RRAD: variants seen among roughly 807,000 people sequenced by gnomAD.
RRAD encodes the protein RRAD, Ras related glycolysis inhibitor and calcium channel regulator, also known as GTP-binding protein RAD.
Under a neutral mutation model 24.7 loss-of-function variants are expected in RRAD, and 15 were observed. The observed-to-expected ratio is 0.61, with a 90% CI of 0.41 to 0.93. The LOEUF (loss-of-function observed/expected upper bound fraction) is 0.93, where lower values mean the gene tolerates loss of function less well. Ranked by LOEUF, RRAD falls within the 40% of genes least tolerant of loss-of-function variation. The pLI, the probability that RRAD is intolerant of heterozygous loss-of-function variation, is 0.00. For synonymous variants in RRAD, 180 were observed against 189.8 expected (o/e 0.95, Z 0.43); for missense variants, 438 against 452.2 (o/e 0.97, Z 0.29).
At position 66,921,917 on chromosome 16, in the gene RRAD, GC is replaced by G; in HGVS notation, c.*158del. ...CCCCTGAGAGCCACTTCGCAGGGCAGCACTGTCTATCTGTCCATGACCATGA... is the reference window on the plus strand; with the variant it reads ...CCCCTGAGAGCCACTTCGCAGGGCAGACTGTCTATCTGTCCATGACCATGA... On this transcript the variant is annotated 3_prime_UTR_variant, in exon 5 of 5. Coordinates refer to ENST00000299759, the MANE Select transcript of RRAD (RefSeq NM_004165.3). 1.6e-6 allele frequency: 1 copy of G among 636,420 alleles called. No individual in the cohort carries two copies. The allele number at this position is 636,420 out of a possible 1,614,324, so 39.4% of individuals were successfully genotyped here.
At position 66,923,747 on chromosome 16, in the gene RRAD, C is replaced by G; in HGVS notation, c.445-27G>C. ...TGGAGAACACACAACACACATCTGC[C>G]CAACAGTCCTCATGCCCCCGACACG... On this transcript the variant is annotated intron_variant, in intron 3 of 4. Coordinates refer to ENST00000299759, the MANE Select transcript of RRAD (RefSeq NM_004165.3). The surrounding 1 kb of genome is among the most constrained non-coding windows in gnomAD (Gnocchi z 4.9). 1 of 1,613,646 alleles carries G rather than the reference C, an allele frequency of 6.2e-7. No individual in the cohort carries two copies. Among genetic ancestry groups the G allele is most frequent in the Non-Finnish European group, 8.5e-7 (1 of 1,179,660 alleles).
In RRAD at chr16:66,924,974, CT is replaced by C. The variant is rs1962974597; in HGVS notation, c.205del (p.Arg69GlyfsTer64). The C allele has an allele frequency of 6.8e-7, 1 of 1,470,012 alleles. No homozygotes were observed. Among genetic ancestry groups the C allele is most frequent in the Non-Finnish European group, 9.0e-7 (1 of 1,109,704 alleles). The allele number at this position is 1,470,012 out of a possible 1,614,324, so 91.1% of individuals were successfully genotyped here. ...CTCGGAGTCCTCGGGCCAGTCCAGC[CT>C]GGGACCCTGGGTCCCCGTCCCGGCC... ...AAAGTGTQGP[R>X]LDWPEDSEDS... On this transcript the variant is annotated frameshift_variant, in exon 2 of 5. Transcript: ENST00000299759. LOFTEE classifies it high-confidence loss of function. This position sits in a 1 kb window ranked among gnomAD's most constrained non-coding sequence, Gnocchi z 4.2.
rs1214556173 is a variant in RRAD, at chr16:66,922,297, A to G, written c.706T>C (p.Leu236=). ...AACAGCGCCTGGACATTGTGGTGCAATGCCGCTGATGTCTCAATGAACTTG... is the reference window on the plus strand; with the variant it reads ...AACAGCGCCTGGACATTGTGGTGCAGTGCCGCTGATGTCTCAATGAACTTG... The part of the protein sequence containing the change: ...DCKFIETSAA[L]HHNVQALFEG... Residue 236 remains leucine (L), a synonymous_variant, in exon 5 of 5, where the codon TTG becomes CTG. Transcript: ENST00000299759. 5.0e-6 allele frequency: 8 copies of G among 1,610,262 alleles called. No homozygotes were observed. Among genetic ancestry groups the G allele is most frequent in the Non-Finnish European group, 5.1e-6 (6 of 1,177,220 alleles).
Position 66,921,831 on chromosome 16 carries a change from G to A in RRAD, c.*245C>T. On this transcript the variant is annotated 3_prime_UTR_variant, in exon 5 of 5. Transcript: ENST00000299759. ...CGCAGGCCTGCCCGGCGGCTGCGCTGCGGCTGCTTGGGACGCATATGAGCC... is the reference window on the plus strand; with the variant it reads ...CGCAGGCCTGCCCGGCGGCTGCGCTACGGCTGCTTGGGACGCATATGAGCC... 2.2e-6 allele frequency: 1 copy of A among 447,644 alleles called. No individual in the cohort carries two copies. Among genetic ancestry groups the A allele is most frequent in the Non-Finnish European group, 3.9e-6 (1 of 253,278 alleles). 27.7% of individuals were successfully genotyped at this position (447,644 alleles called of 1,614,324 possible). A position where few individuals can be genotyped will look rare whatever the true frequency, so the allele number is the denominator to read the frequency against.
At position 66,923,816 on chromosome 16, in the gene RRAD, C is replaced by T. The variant is rs908469221; in HGVS notation, c.444+30G>A. 8.7e-6 allele frequency: 14 copies of T among 1,611,218 alleles called. No individual in the cohort carries two copies. The African/African-American group carries it at 1.5e-4, about 17-fold the overall frequency. ...CTCTAACCCAACTCACTCCTCCCTC[C>T]CCTGCCCTGGGTCTCTGCTTGCACC... On this transcript the variant is annotated intron_variant, in intron 3 of 4. Transcript: ENST00000299759. The surrounding 1 kb of genome is among the most constrained non-coding windows in gnomAD (Gnocchi z 4.9).
intron 4 of RRAD, 44 bp from the exon 5 acceptor site, chr16:66,922,397 G>A: frequency 1.3e-6 from 2 of 1,541,652 alleles, no homozygotes; most frequent in African/African-American, 1.4e-5. Context: ...CAAAGGGTGG[G>A]TGAATGAGGA....
chr16:66,923,411 C>T lies in RRAD; in HGVS notation c.649+105G>A. On this transcript the variant is annotated intron_variant, in intron 4 of 4. Coordinates refer to ENST00000299759, the MANE Select transcript of RRAD (RefSeq NM_004165.3). This position sits in a 1 kb window ranked among gnomAD's most constrained non-coding sequence, Gnocchi z 4.9. ...CCTCCCCGCCAGTTTTCTTTCTGAA[C>T]ATTTTTAGCCTCTGATGATCCCCAG... 2.1e-6 allele frequency: 2 copies of T among 947,962 alleles called. No homozygotes were observed. The highest frequency in any genetic ancestry group is 3.4e-4 in the Middle Eastern group (1 of 2,976). 58.7% of individuals were successfully genotyped at this position (947,962 alleles called of 1,614,324 possible). A position where few individuals can be genotyped will look rare whatever the true frequency, so the allele number is the denominator to read the frequency against.
rs1261344781 is a variant in RRAD, at chr16:66,921,901, G to A, written c.*175C>T. 1.0e-5 allele frequency: 6 copies of A among 601,520 alleles called. No individual in the cohort carries two copies. Among genetic ancestry groups the A allele is most frequent in the Non-Finnish European group, 1.4e-5 (5 of 346,174 alleles). The allele number at this position is 601,520 out of a possible 1,614,324, so 37.3% of individuals were successfully genotyped here. ...GCCCAGCCCTCACTGGCCCCTGAGAGCCACTTCGCAGGGCAGCACTGTCTA... is the reference window on the plus strand; with the variant it reads ...GCCCAGCCCTCACTGGCCCCTGAGAACCACTTCGCAGGGCAGCACTGTCTA... On this transcript the variant is annotated 3_prime_UTR_variant, in exon 5 of 5. Transcript: ENST00000299759.
Position 66,922,031 on chromosome 16 carries a change from C to G in RRAD, c.*45G>C. 6.4e-7 allele frequency: 1 copy of G among 1,558,622 alleles called. No homozygotes were observed. The highest frequency in any genetic ancestry group is 8.8e-7 in the Non-Finnish European group (1 of 1,141,190). ...CGGGGCAGTTGGCTGGGCCAGCCCA[C>G]CAACCCTTCCGTTCGTCTCCCACCA... On this transcript the variant is annotated 3_prime_UTR_variant, in exon 5 of 5. Transcript: ENST00000299759.
rs772841767 is a variant in RRAD at position 66,921,993 on chromosome 16, G to A, written c.*83C>T. On this transcript the variant is annotated 3_prime_UTR_variant, in exon 5 of 5. Coordinates refer to ENST00000299759, the MANE Select transcript of RRAD (RefSeq NM_004165.3). ...TCCGAGGGACCCAGAGTCTGAGCCT[G>A]CTCTGAGGCACCCGGGGCAGTTGGC... 2.3e-6 allele frequency: 3 copies of A among 1,323,904 alleles called. No individual in the cohort carries two copies. Among genetic ancestry groups the A allele is most frequent in the Admixed American group, 2.1e-5 (1 of 48,090 alleles). 82.0% of individuals were successfully genotyped at this position (1,323,904 alleles called of 1,614,324 possible).
At position 66,924,586 on chromosome 16, in the gene RRAD, A is replaced by C. The variant is rs372064444; in HGVS notation, c.370+224T>G. ...AGGCTGAGGCAGGAGAATCCCTTGA[A>C]ACCTGAAGGCGGAGGTTGCAGTGAG... On this transcript the variant is annotated intron_variant, in intron 2 of 4. Transcript: ENST00000299759. The surrounding 1 kb of genome is among the most constrained non-coding windows in gnomAD (Gnocchi z 4.2). 2.7e-4 allele frequency among the ~76,000 whole-genome samples: 41 copies of C among 152,222 alleles called. No homozygotes were observed. In the East Asian group the frequency reaches 7.9e-3, roughly 29 times the overall value.
In RRAD at chr16:66,922,156, C is replaced by A. The variant is rs150765557; in HGVS notation, c.847G>T (p.Gly283Cys). 4.3e-6 allele frequency: 7 copies of A among 1,614,146 alleles called. No homozygotes were observed. The highest frequency in any genetic ancestry group is 5.1e-6 in the Non-Finnish European group (6 of 1,179,956). ...CGGCTGTTACGAGCTACGATGCGGC[C>A]CAAGAAGCGCTTCGCCTTTTTGCCA... ...SLGKKAKRFL[G>C]RIVARNSRKM... Residue 283 changes from glycine to cysteine, a missense_variant, in exon 5 of 5, where the codon GGC becomes TGC. Physicochemically the swap from Gly to Cys is radical, Grantham distance 159. Transcript: ENST00000299759.
rs143953620 is a variant in RRAD, at chr16:66,923,565, G to A, written c.600C>T (p.Leu200=). 29 of 1,610,970 alleles carry A rather than the reference G, an allele frequency of 1.8e-5. No homozygotes were observed. The highest frequency in any genetic ancestry group is 1.6e-4 in the Middle Eastern group (1 of 6,072). Residue 200 remains leucine (L), a synonymous_variant, in exon 4 of 5, where the codon CTC becomes CTT. Coordinates refer to ENST00000299759, the MANE Select transcript of RRAD (RefSeq NM_004165.3). This position sits in a 1 kb window ranked among gnomAD's most constrained non-coding sequence, Gnocchi z 4.9. ...ARQTDDVPII[L]VGNKSDLVRS... is the part of the protein sequence containing the mutation. ...GCACCAGGTCGCTCTTGTTGCCCACGAGGATGATGGGCACATCATCTGTTT... is the reference window on the plus strand; with the variant it reads ...GCACCAGGTCGCTCTTGTTGCCCACAAGGATGATGGGCACATCATCTGTTT...
chr16:66,925,168 G>C lies in RRAD; in HGVS notation c.12C>G (p.Asn4Lys). The change falls in exon 2 of 5, where the codon AAC becomes AAG. Residue 4 changes from asparagine (N) to lysine (K), a missense_variant. By Grantham distance (94) the Asn-to-Lys change is moderately conservative (BLOSUM62 0). Coordinates refer to ENST00000299759, the MANE Select transcript of RRAD (RefSeq NM_004165.3). The surrounding 1 kb of genome is among the most constrained non-coding windows in gnomAD (Gnocchi z 5.2). Reference sequence around the variant, plus strand: ...TCCCGCCCGCTCCGCTGCCGCCGCCGTTCAGGGTCATCGCGTCCGGGACCG... The same window carrying C: ...TCCCGCCCGCTCCGCTGCCGCCGCCCTTCAGGGTCATCGCGTCCGGGACCG... MTL[N>K]GGGSGAGGSR... 1 of 1,240,460 alleles carries C rather than the reference G, an allele frequency of 8.1e-7. No individual in the cohort carries two copies. The highest frequency in any genetic ancestry group is 1.0e-6 in the Non-Finnish European group (1 of 992,916). 76.8% of individuals were successfully genotyped at this position (1,240,460 alleles called of 1,614,324 possible).
At chr16:66,922,414 T>A (rs946514334) in intron 4 of RRAD, 61 bp from the exon 5 acceptor site, 4 of 1,495,518 alleles carry the variant, frequency 2.7e-6, no homozygotes, top group Non-Finnish European at 3.6e-6. Context: ...AGGAGTCCCC[T>A]CCAACAGTGG....
In RRAD at chr16:66,923,820, G is replaced by T; in HGVS notation, c.444+26C>A. 6.2e-7 allele frequency: 1 copy of T among 1,611,630 alleles called. No individual in the cohort carries two copies. Among genetic ancestry groups the T allele is most frequent in the Non-Finnish European group, 8.5e-7 (1 of 1,177,860 alleles). On this transcript the variant is annotated intron_variant, in intron 3 of 4. Transcript: ENST00000299759. This position sits in a 1 kb window ranked among gnomAD's most constrained non-coding sequence, Gnocchi z 4.9. The stretch of plus-strand genomic sequence containing the variant: ...AACCCAACTCACTCCTCCCTCCCCT[G>T]CCCTGGGTCTCTGCTTGCACCCTAC...
Position 66,923,821 on chromosome 16 carries a change from C to T in RRAD, c.444+25G>A. 1.9e-6 allele frequency: 3 copies of T among 1,611,954 alleles called. No individual in the cohort carries two copies. The highest frequency in any genetic ancestry group is 2.5e-6 in the Non-Finnish European group (3 of 1,178,080). Reference sequence around the variant, plus strand: ...ACCCAACTCACTCCTCCCTCCCCTGCCCTGGGTCTCTGCTTGCACCCTACC... The same window carrying T: ...ACCCAACTCACTCCTCCCTCCCCTGTCCTGGGTCTCTGCTTGCACCCTACC... On this transcript the variant is annotated intron_variant, in intron 3 of 4. Transcript: ENST00000299759. The surrounding 1 kb of genome is among the most constrained non-coding windows in gnomAD (Gnocchi z 4.9).
rs762262425 is a variant in RRAD, at chr16:66,923,497, C to A, written c.649+19G>T. 46 of 1,593,492 alleles carry A rather than the reference C, an allele frequency of 2.9e-5. No individual in the cohort carries two copies. The highest frequency in any genetic ancestry group is 3.8e-5 in the Non-Finnish European group (44 of 1,172,540). On this transcript the variant is annotated intron_variant, in intron 4 of 4. Coordinates refer to ENST00000299759, the MANE Select transcript of RRAD (RefSeq NM_004165.3). The surrounding 1 kb of genome is among the most constrained non-coding windows in gnomAD (Gnocchi z 4.9). ...CCCAGCTGGGCTCTCCCTCCCCCTG[C>A]AACCTGCCGCCTACTCACCATCCAC...
chr16:66,922,423 G>C (rs1182392774), intron 4 of RRAD, 70 bp from the exon 5 acceptor site: 1 of 1,460,106 alleles, frequency 6.8e-7, no homozygotes, highest in Non-Finnish European at 9.2e-7. Flanking sequence ...CTCCAACAGT[G>C]GCCACCCATG....
Sources: allele counts gnomAD v4.1 joint callset (sites outside exome capture counted in the v4.1 genomes callset), GRCh38; gene constraint gnomAD v4.1.1; non-coding constraint Gnocchi (gnomAD v3.1); transcripts MANE v1.5; gene names NCBI Gene and HGNC (gene_info 2026-07-23, HGNC 2026-07-21).